The following SGIP1 variants were observed in gnomAD, a reference collection of about 807,000 sequenced individuals.
SGIP1 encodes the protein SH3GL interacting endocytic adaptor 1.
In SGIP1, 38 loss-of-function variants were observed where a neutral mutation model predicts 107.5. The observed-to-expected ratio is 0.35, with a 90% CI of 0.27 to 0.46. The LOEUF is 0.46. SGIP1 is among the 20% of genes least tolerant of loss of function. The pLI, the probability that SGIP1 is intolerant of heterozygous loss-of-function variation, is 1.00. For synonymous variants in SGIP1, 365 were observed against 366.1 expected (o/e 1.00, Z 0.03); for missense variants, 929 against 1,019.5 (o/e 0.91, Z 1.21).
intron 12 of SGIP1, among the ~76,000 whole-genome samples, chr1:66,674,642 T>C (rs189836162): frequency 2.3e-3 from 352 of 152,302 alleles, no homozygotes; most frequent in African/African-American, 8.1e-3. Flanking sequence ...AAGTAAACAA[T>C]ATAGGACTGG....
chr1:66,741,290 C>T lies in SGIP1; in HGVS notation c.2318C>T (p.Ala773Val), dbSNP rs867434606. The change falls in exon 24 of 25, where the codon GCA (alanine) becomes GTA (valine). Residue 773 changes from alanine to valine, a missense_variant. Physicochemically the swap from Ala to Val is moderately conservative, Grantham distance 64. This residue lies in a region of SGIP1 where 341 missense variants were observed against 430.9 expected (regional missense o/e 0.79). Coordinates refer to ENST00000371037, the MANE Select transcript of SGIP1 (RefSeq NM_032291.4). ...TTTTTAGGGGTGGGTTCTTTGTTGG[C>T]AAGATTTCAGTTATCTGAAGGCCCA... Reference protein sequence around the residue: ...SENGGVGSLLARFQLSEGPSK... With the variant: ...SENGGVGSLLVRFQLSEGPSK... 2 of 1,587,328 alleles carry T rather than the reference C, an allele frequency of 1.3e-6. No individual in the cohort carries two copies. The highest frequency in any genetic ancestry group is 8.6e-7 in the Non-Finnish European group (1 of 1,167,836).
chr1:66,672,355 A>T (rs17129322), intron 11 of SGIP1, among the ~76,000 whole-genome samples: 1,947 of 152,284 alleles, frequency 0.013, 47 homozygotes, highest in African/African-American at 0.044. Context: ...GTTGGATACC[A>T]TCTCATGATA....
chr1:66,630,825 A>G (rs1169728698), intron 2 of SGIP1, among the ~76,000 whole-genome samples: 1 of 6,178 alleles, frequency 1.6e-4, no homozygotes, highest in African/African-American at 1.0e-3. Flanking sequence ...GAAAGAAAGA[A>G]AGAAAGAAAG....
chr1:66,623,175 G>A (rs1007252261), intron 1 of SGIP1, among the ~76,000 whole-genome samples: 10 of 151,986 alleles, frequency 6.6e-5, no homozygotes, highest in African/African-American at 2.4e-4. Context: ...AACTTCATTT[G>A]CTTTAGTCTT....
intron 1 of SGIP1, among the ~76,000 whole-genome samples, chr1:66,577,831 T>A (rs554225140): frequency 1.3e-5 from 2 of 149,330 alleles, no homozygotes; most frequent in South Asian, 4.3e-4. Context: ...GGAGGAGGAA[T>A]AGGACAATGA....
intron 15 of SGIP1, 69 bp downstream of exon 15, chr1:66,682,438 C>G: frequency 2.6e-6 from 4 of 1,529,708 alleles, no homozygotes; most frequent in Non-Finnish European, 3.5e-6. Context: ...GTGAGCAACA[C>G]CGTCCTCCTG....
At chr1:66,556,641 C>T (rs2058218730) in intron 1 of SGIP1, among the ~76,000 whole-genome samples, 1 of 151,790 alleles carries the variant, frequency 6.6e-6, no homozygotes. Flanking sequence ...CCAGAATCCC[C>T]CACCCCCACC....
At position 66,719,421 on chromosome 1, in the gene SGIP1, G is replaced by C. The variant is rs750261789; in HGVS notation, c.1742+16G>C. On this transcript the variant is annotated intron_variant, in intron 19 of 24. Coordinates refer to ENST00000371037, the MANE Select transcript of SGIP1 (RefSeq NM_032291.4). ...ACCCAAGCAAGTAAGCCTGATACTTGGTCCATTGTACTTTCTGAGTTCTGT... is the reference window on the plus strand; with the variant it reads ...ACCCAAGCAAGTAAGCCTGATACTTCGTCCATTGTACTTTCTGAGTTCTGT... 1 of 1,590,048 alleles carries C rather than the reference G, an allele frequency of 6.3e-7. No individual in the cohort carries two copies. The highest frequency in any genetic ancestry group is 8.6e-7 in the Non-Finnish European group (1 of 1,159,368).
chr1:66,741,733 C>T (rs1358014866), intron 24 of SGIP1, among the ~76,000 whole-genome samples: 1 of 151,658 alleles, frequency 6.6e-6, no homozygotes, highest in East Asian at 1.9e-4. Flanking sequence ...ATTATATTGA[C>T]GAACAAGACA....
rs763368442 is a variant in SGIP1 at position 66,677,105 on chromosome 1, T to C, written c.739+9T>C. ...GCCTTTTCCCACTGGAAGTAAGTTA[T>C]GTGTCTGCTCTGTCTGGAAAAATAA... On this transcript the variant is annotated intron_variant, in intron 13 of 24. Transcript: ENST00000371037. 10 of 1,607,440 alleles carry C rather than the reference T, an allele frequency of 6.2e-6. No individual in the cohort carries two copies. The highest frequency in any genetic ancestry group is 2.2e-5 in the South Asian group (2 of 90,806).
At chr1:66,581,979 T>C (rs1046300404) in intron 1 of SGIP1, among the ~76,000 whole-genome samples, 3 of 152,092 alleles carry the variant, frequency 2.0e-5, no homozygotes, top group African/African-American at 7.2e-5. Flanking sequence ...GGAGAGGCAT[T>C]GAACTATATC....
chr1:66,719,632 T>C (rs907546498), intron 19 of SGIP1, among the ~76,000 whole-genome samples: 12 of 152,200 alleles, frequency 7.9e-5, no homozygotes, highest in Non-Finnish European at 1.8e-4. Flanking sequence ...TTGATTCCAT[T>C]TTGGTTCTAG....
At chr1:66,585,559 A>C (rs1460583623) in intron 1 of SGIP1, among the ~76,000 whole-genome samples, 2 of 124,700 alleles carry the variant, frequency 1.6e-5, no homozygotes, top group Non-Finnish European at 3.4e-5. Context: ...AATTAAAAAG[A>C]GCTTTGGAGT....
intron 7 of SGIP1, chr1:66,660,258 A>C: frequency 2.1e-6 from 1 of 468,026 alleles, no homozygotes; most frequent in Non-Finnish European, 3.7e-6. Flanking sequence ...GGAGGAAGGA[A>C]GGGAGGAAAG....
At chr1:66,694,560 T>C (rs2090500610) in intron 17 of SGIP1, 2 of 1,411,636 alleles carry the variant, frequency 1.4e-6, no homozygotes, top group Non-Finnish European at 1.9e-6. Context: ...TCCAAGCCAT[T>C]ATCCATCTGA....
chr1:66,553,815 C>T (rs1217523413), intron 1 of SGIP1, among the ~76,000 whole-genome samples: 1 of 152,140 alleles, frequency 6.6e-6, no homozygotes, highest in Non-Finnish European at 1.5e-5. Flanking sequence ...ACTAACCTCT[C>T]CTGGCCTCAG....
At chr1:66,587,202 T>A (rs2062767439) in intron 1 of SGIP1, among the ~76,000 whole-genome samples, 2 of 152,070 alleles carry the variant, frequency 1.3e-5, no homozygotes, top group Admixed American at 6.6e-5. Flanking sequence ...GTTTGCTCAG[T>A]TTCTTGAATC....
At chr1:66,651,901 A>G (rs1247001004) in intron 7 of SGIP1, among the ~76,000 whole-genome samples, 4 of 152,188 alleles carry the variant, frequency 2.6e-5, no homozygotes, top group African/African-American at 9.6e-5. Context: ...TAATCAGTTA[A>G]TCAATTGGCA....
chr1:66,738,230 G>A (rs2094334268), intron 21 of SGIP1, among the ~76,000 whole-genome samples: 1 of 152,206 alleles, frequency 6.6e-6, no homozygotes, highest in East Asian at 1.9e-4. Context: ...TTGGGGGCTT[G>A]TTTCTGCCAT....
Sources: gnomAD v4.1 joint callset for allele counts (sites outside exome capture counted in the v4.1 genomes callset) on GRCh38, gnomAD v4.1.1 for gene constraint, gnomAD v4.1.1 regional missense constraint, MANE v1.5 for transcripts, NCBI Gene and HGNC (gene_info 2026-07-23, HGNC 2026-07-21) for gene names.